The following GPR39 variants were observed in gnomAD, a reference collection of about 807,000 sequenced individuals.
GPR39 encodes the protein zinc sensing receptor.
GPR39 carries 23 observed loss-of-function variants against 18.4 expected under a neutral mutation model. The observed-to-expected ratio is 1.25, with a 90% CI of 0.90 to 1.77. GPR39 has a LOEUF of 1.77. GPR39 is among the 40% of genes most tolerant of loss of function. GPR39 has a pLI of 0.00. For missense variants in GPR39, 647 were observed against 602.4 expected (o/e 1.07, Z -0.78); for synonymous variants, 280 against 257.9 (o/e 1.09, Z -0.82).
At chr2:132,611,767 TC>T (rs1681243561) in intron 1 of GPR39, among the ~76,000 whole-genome samples, 1 of 152,198 alleles carries the variant, frequency 6.6e-6, no homozygotes, top group Non-Finnish European at 1.5e-5. Context: ...AGTGTAAATT[TC>T]TTTCTTTCTT....
At chr2:132,616,901 G>A (rs13395608) in intron 1 of GPR39, among the ~76,000 whole-genome samples, 4,017 of 152,234 alleles carry the variant, frequency 0.026, 166 homozygotes, top group African/African-American at 0.091. Flanking sequence ...CTCCCGCCAC[G>A]GTCCCTACTG....
In GPR39 at chr2:132,476,600, C is replaced by T. The variant is rs187000632; in HGVS notation, c.856+58702C>T. 2.7e-3 allele frequency among the ~76,000 whole-genome samples: 335 copies of T among 124,878 alleles called. 3 individuals carry two copies. Among genetic ancestry groups the T allele is most frequent in the African/African-American group, 9.7e-3 (314 of 32,434 alleles). 81.9% of individuals were successfully genotyped at this position (124,878 alleles called of 152,430 possible). ...GCAGTGAGCCGAGATCATGCCACTG[C>T]ACTCCAGCCTGGGTAACAGAGCAAG... On this transcript the variant is annotated intron_variant, in intron 1 of 1. Coordinates refer to ENST00000329321, the MANE Select transcript of GPR39 (RefSeq NM_001508.3).
At chr2:132,560,976 C>G (rs1680242291) in intron 1 of GPR39, among the ~76,000 whole-genome samples, 1 of 149,706 alleles carries the variant, frequency 6.7e-6, no homozygotes, top group Middle Eastern at 3.4e-3. Context: ...TGTAGTGGCG[C>G]CATCTCTACT....
chr2:132,553,412 G>A (rs1680091484), intron 1 of GPR39, among the ~76,000 whole-genome samples: 1 of 150,044 alleles, frequency 6.7e-6, no homozygotes, highest in African/African-American at 2.5e-5. Context: ...GTATATATAT[G>A]TACACACACA....
chr2:132,612,098 A>G (rs1472191784), intron 1 of GPR39, among the ~76,000 whole-genome samples: 28 of 151,804 alleles, frequency 1.8e-4, no homozygotes, highest in Admixed American at 1.8e-3. Flanking sequence ...AGTTTTCTAA[A>G]TCATCATGTT....
chr2:132,538,361 T>C (rs1307731904), intron 1 of GPR39, among the ~76,000 whole-genome samples: 1 of 152,252 alleles, frequency 6.6e-6, no homozygotes, highest in Admixed American at 6.5e-5. Flanking sequence ...CCTGTTCACC[T>C]GGGTGTCACC....
chr2:132,500,707 C>A (rs528190888), intron 1 of GPR39, among the ~76,000 whole-genome samples: 1 of 152,162 alleles, frequency 6.6e-6, no homozygotes, highest in East Asian at 1.9e-4. Flanking sequence ...TCTATCTAGT[C>A]CTGGACTTTT....
At chr2:132,518,219 G>C (rs1265693613) in intron 1 of GPR39, among the ~76,000 whole-genome samples, 1 of 152,078 alleles carries the variant, frequency 6.6e-6, no homozygotes, top group African/African-American at 2.4e-5. Flanking sequence ...TGAAAGCTAG[G>C]GTTTCCCCTC....
At chr2:132,643,477 A>G (rs779510575) in intron 1 of GPR39, among the ~76,000 whole-genome samples, 12 of 152,152 alleles carry the variant, frequency 7.9e-5, no homozygotes, top group Non-Finnish European at 4.4e-5. Flanking sequence ...AGGAGGCTCA[A>G]TTCTGGATGT....
In GPR39 at chr2:132,572,389, AG is replaced by A. The variant is rs1474322061; in HGVS notation, c.857-72711del. The stretch of plus-strand genomic sequence containing the variant: ...AGGGGCTGGAAGTGCATCTGAGCAG[AG>A]CATCCCCACGAGCTTGATGGGCTCC... On this transcript the variant is annotated intron_variant, in intron 1 of 1. Transcript: ENST00000329321. Among the ~76,000 whole-genome samples the A allele has an allele frequency of 2.0e-5, 3 of 152,250 alleles. No individual in the cohort carries two copies. In the East Asian group the frequency reaches 5.8e-4, roughly 30 times the overall value.
intron 1 of GPR39, among the ~76,000 whole-genome samples, chr2:132,596,350 CTCTT>C (rs1010654854): frequency 5.9e-5 from 9 of 152,030 alleles, no homozygotes; most frequent in Admixed American, 5.2e-4. Context: ...CCTTTTCTCT[CTCTT>C]TGTTTTGCAA....
At chr2:132,500,668 T>C (rs1435571430) in intron 1 of GPR39, among the ~76,000 whole-genome samples, 1 of 152,210 alleles carries the variant, frequency 6.6e-6, no homozygotes, top group Non-Finnish European at 1.5e-5. Context: ...CAATTCTTCT[T>C]TGAATGTCTG....
chr2:132,424,165 G>A lies in GPR39; in HGVS notation c.856+6267G>A, dbSNP rs114416575. On this transcript the variant is annotated intron_variant, in intron 1 of 1. Coordinates refer to ENST00000329321, the MANE Select transcript of GPR39 (RefSeq NM_001508.3). ...CCATGTATATCTGCCAGAAGTAACC[G>A]TGAGATGAAAGTGACTAGGGTGGTG... 3.0e-3 allele frequency among the ~76,000 whole-genome samples: 454 copies of A among 152,254 alleles called. 1 individual carries two copies. Among genetic ancestry groups the A allele is most frequent in the African/African-American group, 9.7e-3 (402 of 41,550 alleles).
At chr2:132,458,431 CCTCTCT>C (rs141468975) in intron 1 of GPR39, among the ~76,000 whole-genome samples, 1,562 of 103,648 alleles carry the variant, frequency 0.015, 26 homozygotes, top group African/African-American at 0.051. Flanking sequence ...ATCTACTTTA[CCTCTCT>C]CTCTCTCTCT....
At chr2:132,458,052 T>C (rs1680764207) in intron 1 of GPR39, among the ~76,000 whole-genome samples, 1 of 152,336 alleles carries the variant, frequency 6.6e-6, no homozygotes, top group East Asian at 1.9e-4. Context: ...TTCCCTTGGC[T>C]AGGAAAGGGA....
chr2:132,529,725 T>G (rs951241292), intron 1 of GPR39, among the ~76,000 whole-genome samples: 7 of 152,212 alleles, frequency 4.6e-5, no homozygotes, highest in African/African-American at 7.2e-5. Context: ...CCACCGCTGC[T>G]GATACCCAGG....
intron 1 of GPR39, among the ~76,000 whole-genome samples, chr2:132,574,738 A>G (rs543301500): frequency 1.3e-5 from 2 of 152,242 alleles, no homozygotes; most frequent in African/African-American, 2.4e-5. Flanking sequence ...TTGTCGCTAA[A>G]TGAATAAATG....
At chr2:132,447,040 T>A (rs1165502802) in intron 1 of GPR39, among the ~76,000 whole-genome samples, 2 of 152,200 alleles carry the variant, frequency 1.3e-5, no homozygotes, top group Admixed American at 1.3e-4. Flanking sequence ...ATGCCCCACC[T>A]GGTCAAGAGA....
chr2:132,602,152 A>ATATAT (rs1681053297), intron 1 of GPR39, among the ~76,000 whole-genome samples: 1 of 152,138 alleles, frequency 6.6e-6, no homozygotes, highest in African/African-American at 2.4e-5. Flanking sequence ...TATACCACAA[A>ATATAT]GCTATAGTAA....
Sources: gnomAD v4.1 joint callset for allele counts (sites outside exome capture counted in the v4.1 genomes callset) on GRCh38, gnomAD v4.1.1 for gene constraint, MANE v1.5 for transcripts, NCBI Gene and HGNC (gene_info 2026-07-23, HGNC 2026-07-21) for gene names.